The following PAQR8 variants were observed in gnomAD, a reference collection of about 807,000 sequenced individuals.
The protein encoded by PAQR8 is progestin and adipoQ receptor family member 8, also known as membrane progestin receptor beta.
Under a neutral mutation model 25.2 loss-of-function variants are expected in PAQR8, and 17 were observed. The ratio of observed to expected loss-of-function variants is 0.67; its 90% confidence interval spans 0.46 to 1.01. The LOEUF is 1.01. Ranked by LOEUF, PAQR8 falls within the 50% of genes least tolerant of loss-of-function variation. The probability of loss-of-function intolerance (pLI) is 0.00; values close to 1 mark genes in which losing one functional copy is unlikely to be tolerated. For synonymous variants in PAQR8, 204 were observed against 190.6 expected (o/e 1.07, Z -0.58); for missense variants, 392 against 448.4 (o/e 0.87, Z 1.14).
Position 52,405,383 on chromosome 6 carries a change from A to T in PAQR8, c.*1105A>T, listed in dbSNP as rs577220199. On this transcript the variant is annotated 3_prime_UTR_variant, in exon 2 of 2. Transcript: ENST00000442253. ...TCTGCTTCAGCTTAGAGCAGAACCC[A>T]TAAAATACTCAAGTACTGGGATAGG... 3.3e-4 allele frequency: 55 copies of T among 167,246 alleles called. No homozygotes were observed. Among genetic ancestry groups the T allele is most frequent in the Non-Finnish European group, 5.9e-4 (40 of 68,124 alleles). The allele number at this position is 167,246 out of a possible 1,614,324, so 10.4% of individuals were successfully genotyped here.
chr6:52,367,279 C>G (rs1201131047), intron 1 of PAQR8, among the ~76,000 whole-genome samples: 1 of 152,188 alleles, frequency 6.6e-6, no homozygotes, highest in East Asian at 1.9e-4. Flanking sequence ...CTGAGAAGCC[C>G]TTGGCTAGAG....
At chr6:52,366,801 G>T (rs1039711635) in intron 1 of PAQR8, among the ~76,000 whole-genome samples, 3 of 152,004 alleles carry the variant, frequency 2.0e-5, no homozygotes, top group Non-Finnish European at 4.4e-5. Context: ...CCAGGCTGGA[G>T]TGCAATGGCG....
chr6:52,362,156 C>G lies in PAQR8; in HGVS notation c.-146C>G, dbSNP rs1235817389. On this transcript the variant is annotated 5_prime_UTR_variant, in exon 1 of 2. Coordinates refer to ENST00000442253, the MANE Select transcript of PAQR8 (RefSeq NM_133367.5). The surrounding 1 kb of genome is among the most constrained non-coding windows in gnomAD (Gnocchi z 4.1). The stretch of plus-strand genomic sequence containing the variant: ...GAGCCGAGCCCGCCGCGGTCACAGC[C>G]ACCCGCGGGAAGCTCGTGGCCGGGA... The G allele has an allele frequency of 2.6e-5, 4 of 151,804 alleles. No homozygotes were observed. In the East Asian group the frequency reaches 7.7e-4, roughly 29 times the overall value. The allele number at this position is 151,804 out of a possible 1,614,324, so 9.4% of individuals were successfully genotyped here.
chr6:52,389,743 C>T (rs1763676811), intron 1 of PAQR8, among the ~76,000 whole-genome samples: 1 of 152,204 alleles, frequency 6.6e-6, no homozygotes, highest in Non-Finnish European at 1.5e-5. Context: ...TTATATGGTG[C>T]TCCAAACTCT....
At chr6:52,367,302 A>G (rs1763365080) in intron 1 of PAQR8, among the ~76,000 whole-genome samples, 1 of 152,212 alleles carries the variant, frequency 6.6e-6, no homozygotes, top group Non-Finnish European at 1.5e-5. Flanking sequence ...TGGGATTTGG[A>G]GTAAAAATAA....
rs751692963 is a variant in PAQR8 at position 52,406,647 on chromosome 6, C to T, written c.*2369C>T. 4 of 407,342 alleles carry T rather than the reference C, an allele frequency of 9.8e-6. No homozygotes were observed. Among genetic ancestry groups the T allele is most frequent in the Middle Eastern group, 6.3e-4 (1 of 1,590 alleles). 25.2% of individuals were successfully genotyped at this position (407,342 alleles called of 1,614,324 possible). A position where few individuals can be genotyped will look rare whatever the true frequency, so the allele number is the denominator to read the frequency against. ...ATGCAATCACGGCTCACTGCAGCCT[C>T]GACCTCCCCAGCTCAAGCAATCCTC... On this transcript the variant is annotated 3_prime_UTR_variant, in exon 2 of 2. Transcript: ENST00000442253.
intron 1 of PAQR8, among the ~76,000 whole-genome samples, chr6:52,393,122 G>T (rs1288704560): frequency 1.3e-5 from 2 of 152,082 alleles, no homozygotes; most frequent in Non-Finnish European, 2.9e-5. Flanking sequence ...TCACCTCCTG[G>T]ATCTATCACA....
At chr6:52,396,589 T>G (rs902507021) in intron 1 of PAQR8, among the ~76,000 whole-genome samples, 28 of 152,220 alleles carry the variant, frequency 1.8e-4, no homozygotes, top group African/African-American at 6.5e-4. Flanking sequence ...ATTTGGAGAA[T>G]GAAGTGAGGG....
Position 52,407,442 on chromosome 6 carries a change from C to T in PAQR8, c.*3164C>T, listed in dbSNP as rs1373535738. The T allele has an allele frequency of 6.0e-6, 1 of 166,950 alleles. No individual in the cohort carries two copies. The highest frequency in any genetic ancestry group is 1.5e-5 in the Non-Finnish European group (1 of 68,084). The allele number at this position is 166,950 out of a possible 1,614,324, so 10.3% of individuals were successfully genotyped here. On this transcript the variant is annotated 3_prime_UTR_variant, in exon 2 of 2. Coordinates refer to ENST00000442253, the MANE Select transcript of PAQR8 (RefSeq NM_133367.5). ...ATTCTCAAGAGTCTTCTACTGGAAG[C>T]TAGAAAGAAATAGGAATTTAAGTCC...
rs189111968 is a variant in PAQR8 at position 52,368,935 on chromosome 6, G to A, written c.-53+6686G>A. On this transcript the variant is annotated intron_variant, in intron 1 of 1. Coordinates refer to ENST00000442253, the MANE Select transcript of PAQR8 (RefSeq NM_133367.5). Reference sequence around the variant, plus strand: ...CTCATGATAGTGAGTGAGTTCTCTCGAGATCTGATGGTTTTTTAAGGGGCT... The same window carrying A: ...CTCATGATAGTGAGTGAGTTCTCTCAAGATCTGATGGTTTTTTAAGGGGCT... 1.9e-4 allele frequency among the ~76,000 whole-genome samples: 29 copies of A among 152,164 alleles called. No homozygotes were observed. In the East Asian group the frequency reaches 3.7e-3, roughly 19 times the overall value.
chr6:52,389,186 CAAAT>C lies in PAQR8; in HGVS notation c.-52-13969_-52-13966del, dbSNP rs1198111672. Among the ~76,000 whole-genome samples the C allele has an allele frequency of 9.8e-5, 15 of 152,310 alleles. 1 individual carries two copies. Among genetic ancestry groups the C allele is most frequent in the African/African-American group, 3.6e-4 (15 of 41,568 alleles). On this transcript the variant is annotated intron_variant, in intron 1 of 1. Coordinates refer to ENST00000442253, the MANE Select transcript of PAQR8 (RefSeq NM_133367.5). ...ATACCTAGCAAGTGGATGAACCACA[CAAAT>C]AAATAAGATCCAACTCAAATGGTGT...
chr6:52,367,452 G>T (rs536514420), intron 1 of PAQR8, among the ~76,000 whole-genome samples: 39 of 152,188 alleles, frequency 2.6e-4, no homozygotes, highest in Admixed American at 7.9e-4. Flanking sequence ...CAGAAGGATC[G>T]CAATAAGTGT....
intron 1 of PAQR8, among the ~76,000 whole-genome samples, chr6:52,402,675 C>G (rs1453721021): frequency 1.3e-5 from 2 of 151,248 alleles, no homozygotes; most frequent in African/African-American, 4.9e-5. Context: ...AGTAAGGGAT[C>G]TTGGTCCAAC....
chr6:52,389,422 A>G (rs1763671740), intron 1 of PAQR8, among the ~76,000 whole-genome samples: 1 of 152,216 alleles, frequency 6.6e-6, no homozygotes, highest in Admixed American at 6.5e-5. Context: ...TTCAATAAGC[A>G]GAAGAGAGAA....
chr6:52,394,549 A>G (rs1763744985), intron 1 of PAQR8, among the ~76,000 whole-genome samples: 1 of 152,202 alleles, frequency 6.6e-6, no homozygotes, highest in Non-Finnish European at 1.5e-5. Flanking sequence ...ATACTCTAGC[A>G]ATTCTGGGCA....
chr6:52,387,327 A>G (rs1763644701), intron 1 of PAQR8, among the ~76,000 whole-genome samples: 1 of 152,216 alleles, frequency 6.6e-6, no homozygotes, highest in African/African-American at 2.4e-5. Flanking sequence ...CACAGCTGAT[A>G]GATGTTCTTT....
At chr6:52,390,593 C>A (rs767560786) in intron 1 of PAQR8, among the ~76,000 whole-genome samples, 10 of 152,132 alleles carry the variant, frequency 6.6e-5, no homozygotes, top group African/African-American at 2.4e-4. Flanking sequence ...AAGTGACTCA[C>A]GTATTAATGC....
chr6:52,385,016 C>G (rs1236272916), intron 1 of PAQR8, among the ~76,000 whole-genome samples: 1 of 152,152 alleles, frequency 6.6e-6, no homozygotes, highest in Non-Finnish European at 1.5e-5. Flanking sequence ...AATTAACTCA[C>G]AATGGATTAA....
At chr6:52,377,140 C>T (rs771188252) in intron 1 of PAQR8, among the ~76,000 whole-genome samples, 1 of 152,168 alleles carries the variant, frequency 6.6e-6, no homozygotes, top group African/African-American at 2.4e-5. Context: ...CGATGGTAAA[C>T]TTATATAATA....
Sources: allele counts gnomAD v4.1 joint callset (sites outside exome capture counted in the v4.1 genomes callset), GRCh38; gene constraint gnomAD v4.1.1; non-coding constraint Gnocchi (gnomAD v3.1); transcripts MANE v1.5; gene names NCBI Gene and HGNC (gene_info 2026-07-23, HGNC 2026-07-21).